The following IL1RAPL2 variants were observed in gnomAD, a reference collection of about 807,000 sequenced individuals.
IL1RAPL2 encodes X-linked interleukin-1 receptor accessory protein-like 2.
In IL1RAPL2, 3 loss-of-function variants were observed where a neutral mutation model predicts 44.1. That is an observed-to-expected ratio of 0.07 (90% CI 0.03 to 0.18). IL1RAPL2 has a LOEUF of 0.18. IL1RAPL2 is among the 10% of genes least tolerant of loss of function. The pLI is 1.00. For synonymous variants in IL1RAPL2, 181 were observed against 178.8 expected (o/e 1.01, Z -0.10); for missense variants, 391 against 496.4 (o/e 0.79, Z 2.02).
At chrX:105,354,296 T>A (rs896996857) in intron 5 of IL1RAPL2, among the ~76,000 whole-genome samples, 4 of 109,770 alleles carry the variant, frequency 3.6e-5, no homozygotes, top group Non-Finnish European at 7.6e-5. Flanking sequence ...ATGTGGCACA[T>A]ATACACCATG....
At chrX:105,413,520 C>T (rs2035711938) in intron 5 of IL1RAPL2, among the ~76,000 whole-genome samples, 1 of 111,580 alleles carries the variant, frequency 9.0e-6, no homozygotes, top group South Asian at 3.8e-4. Context: ...TGGGTAGCTT[C>T]TAGAAGCTGG....
chrX:104,954,012 T>C (rs1925649928), intron 2 of IL1RAPL2, among the ~76,000 whole-genome samples: 1 of 111,329 alleles, frequency 9.0e-6, no homozygotes, highest in South Asian at 3.7e-4. Flanking sequence ...ATCAAAAGTG[T>C]CCAGGGACAG....
chrX:105,518,412 T>C (rs2048474631), intron 6 of IL1RAPL2, among the ~76,000 whole-genome samples: 1 of 111,409 alleles, frequency 9.0e-6, no homozygotes, highest in Admixed American at 9.6e-5. Flanking sequence ...GAGAAGGCAT[T>C]CAATCATCAG....
chrX:105,599,029 A>G (rs943630056), intron 6 of IL1RAPL2, among the ~76,000 whole-genome samples: 1 of 112,335 alleles, frequency 8.9e-6, no homozygotes, highest in Non-Finnish European at 1.9e-5. Context: ...CCTTTTAAGT[A>G]CCACTTTGTC....
intron 1 of IL1RAPL2, among the ~76,000 whole-genome samples, chrX:104,614,806 C>G (rs1929235864): frequency 8.9e-6 from 1 of 111,791 alleles, no homozygotes. Context: ...ACATAAGAAT[C>G]ATGACCCCTG....
intron 2 of IL1RAPL2, among the ~76,000 whole-genome samples, chrX:105,124,815 T>C (rs1014106068): frequency 9.0e-6 from 1 of 111,115 alleles, no homozygotes; most frequent in Non-Finnish European, 1.9e-5. Flanking sequence ...TTTCACCTGC[T>C]TTGAAAAACG....
intron 2 of IL1RAPL2, among the ~76,000 whole-genome samples, chrX:104,868,938 C>A (rs1044529523): frequency 1.2e-4 from 13 of 111,575 alleles, no homozygotes; most frequent in African/African-American, 3.6e-4. Context: ...TTTGAAGGTG[C>A]CTTGAATAAT....
chrX:104,766,871 C>T (rs1421641702), intron 2 of IL1RAPL2, among the ~76,000 whole-genome samples: 1 of 112,206 alleles, frequency 8.9e-6, no homozygotes, highest in Non-Finnish European at 1.9e-5. Flanking sequence ...GTGCACTGAA[C>T]AATCAACAGT....
intron 6 of IL1RAPL2, among the ~76,000 whole-genome samples, chrX:105,540,232 G>T (rs1299955314): frequency 8.9e-6 from 1 of 111,830 alleles, no homozygotes; most frequent in South Asian, 3.7e-4. Flanking sequence ...AAAGACACAT[G>T]CACTCATAGG....
At chrX:104,976,026 A>G (rs1407830780) in intron 2 of IL1RAPL2, among the ~76,000 whole-genome samples, 2 of 111,292 alleles carry the variant, frequency 1.8e-5, no homozygotes, top group East Asian at 5.6e-4. Context: ...GTACATAGGG[A>G]TATCCTCCCA....
At chrX:105,043,437 G>A (rs1321020112) in intron 2 of IL1RAPL2, among the ~76,000 whole-genome samples, 2 of 108,664 alleles carry the variant, frequency 1.8e-5, no homozygotes, top group Non-Finnish European at 3.8e-5. Flanking sequence ...TTTAGACTTG[G>A]GAGGCAGCCA....
At position 105,105,053 on chromosome X, in the gene IL1RAPL2, A is replaced by T. The variant is rs929066254; in HGVS notation, c.83-90422A>T. ...GCAGTGTCTTTCTCAGTGCTCAATAATTACTTGTTAGGCAATTGAATGGAT... is the reference window on the plus strand; with the variant it reads ...GCAGTGTCTTTCTCAGTGCTCAATATTTACTTGTTAGGCAATTGAATGGAT... On this transcript the variant is annotated intron_variant, in intron 2 of 10. Coordinates refer to ENST00000372582, the MANE Select transcript of IL1RAPL2 (RefSeq NM_017416.2). 1.5e-4 allele frequency among the ~76,000 whole-genome samples: 17 copies of T among 111,887 alleles called. No homozygotes were observed. The Admixed American group carries it at 1.5e-3, about 10-fold the overall frequency.
chrX:104,818,492 A>G (rs886712681), intron 2 of IL1RAPL2, among the ~76,000 whole-genome samples: 1 of 110,133 alleles, frequency 9.1e-6, no homozygotes, highest in Admixed American at 9.7e-5. Context: ...ATTTAGAAAG[A>G]GAAGGGAGGA....
At chrX:104,779,775 A>G (rs1417122263) in intron 2 of IL1RAPL2, among the ~76,000 whole-genome samples, 4 of 111,437 alleles carry the variant, frequency 3.6e-5, no homozygotes, top group African/African-American at 1.3e-4. Context: ...TTCTAACCCA[A>G]CCATTTGTTT....
chrX:105,718,281 A>T (rs2038273739), intron 7 of IL1RAPL2, among the ~76,000 whole-genome samples: 1 of 111,818 alleles, frequency 8.9e-6, no homozygotes, highest in African/African-American at 3.3e-5. Context: ...CAGTATAACT[A>T]ATGTTAAAGT....
intron 2 of IL1RAPL2, among the ~76,000 whole-genome samples, chrX:104,859,067 T>C (rs1922434482): frequency 8.9e-6 from 1 of 111,801 alleles, no homozygotes; most frequent in East Asian, 2.8e-4. Flanking sequence ...TTTGTTCAAA[T>C]AGCTTTTAAA....
At chrX:105,679,065 C>A (rs189538446) in intron 6 of IL1RAPL2, among the ~76,000 whole-genome samples, 373 of 103,682 alleles carry the variant, frequency 3.6e-3, no homozygotes, top group Non-Finnish European at 5.8e-3. Context: ...TAGACAAAGT[C>A]ATTTCTTAAT....
At chrX:104,579,209 G>A (rs1449311916) in intron 1 of IL1RAPL2, among the ~76,000 whole-genome samples, 2 of 111,348 alleles carry the variant, frequency 1.8e-5, no homozygotes, top group African/African-American at 6.5e-5. Flanking sequence ...AGACCTAAAA[G>A]CAAAAATACC....
At chrX:104,910,031 C>T (rs889198619) in intron 2 of IL1RAPL2, among the ~76,000 whole-genome samples, 1 of 112,585 alleles carries the variant, frequency 8.9e-6, no homozygotes, top group African/African-American at 3.2e-5. Flanking sequence ...ACCCTCCGAG[C>T]CAGGTGGGGA....
Sources: allele counts gnomAD v4.1 joint callset (sites outside exome capture counted in the v4.1 genomes callset), GRCh38; gene constraint gnomAD v4.1.1; transcripts MANE v1.5; gene names NCBI Gene and HGNC (gene_info 2026-07-23, HGNC 2026-07-21).